The following ERICH3 variants were observed in gnomAD, a reference collection of about 807,000 sequenced individuals.
ERICH3 encodes glutamate-rich protein 3.
In ERICH3, 126 loss-of-function variants were observed where a neutral mutation model predicts 131.1. The observed-to-expected ratio is 0.96, with a 90% CI of 0.83 to 1.11. The LOEUF (loss-of-function observed/expected upper bound fraction) is 1.11, where lower values mean the gene tolerates loss of function less well. ERICH3 is among the 50% of genes most tolerant of loss of function. The pLI, the probability that ERICH3 is intolerant of heterozygous loss-of-function variation, is 0.00. For synonymous variants in ERICH3, 695 were observed against 644.6 expected, an observed-to-expected ratio of 1.08 and a Z score of -1.18; for missense variants, 2,050 against 1,810.7, an observed-to-expected ratio of 1.13 and a Z score of -2.40.
intron 6 of ERICH3, among the ~76,000 whole-genome samples, chr1:74,632,131 A>T (rs1324213830): frequency 6.6e-6 from 1 of 152,110 alleles, no homozygotes; most frequent in East Asian, 1.9e-4. Context: ...CTTGTGTGGT[A>T]TATTTTTTAA....
chr1:74,673,620 C>T lies in ERICH3; in HGVS notation c.-101G>A. 3 of 1,380,728 alleles carry T rather than the reference C, an allele frequency of 2.2e-6. No homozygotes were observed. The South Asian group carries it at 3.8e-5, about 18-fold the overall frequency. 85.5% of individuals were successfully genotyped at this position (1,380,728 alleles called of 1,614,324 possible). A position where few individuals can be genotyped will look rare whatever the true frequency, so the allele number is the denominator to read the frequency against. On this transcript the variant is annotated 5_prime_UTR_variant, in exon 1 of 15. Coordinates refer to ENST00000326665, the MANE Select transcript of ERICH3 (RefSeq NM_001002912.5). Reference sequence around the variant, plus strand: ...CGACAGTCGCGCTCGAGGGGTGGCTCCGCACCGAGGTCCCCTGTGCGCGGG... The same window carrying T: ...CGACAGTCGCGCTCGAGGGGTGGCTTCGCACCGAGGTCCCCTGTGCGCGGG...
chr1:74,670,584 C>G (rs1467565514), intron 1 of ERICH3, among the ~76,000 whole-genome samples: 1 of 152,198 alleles, frequency 6.6e-6, no homozygotes, highest in Non-Finnish European at 1.5e-5. Flanking sequence ...ACTTTAATCT[C>G]TTAATCCTGT....
intron 12 of ERICH3, among the ~76,000 whole-genome samples, chr1:74,577,923 A>C (rs1241174656): frequency 6.6e-6 from 1 of 152,216 alleles, no homozygotes; most frequent in Non-Finnish European, 1.5e-5. Context: ...CCATTAGTAG[A>C]TTTTAGTGAT....
At chr1:74,584,293 C>T (rs901787570) in intron 12 of ERICH3, among the ~76,000 whole-genome samples, 5 of 152,150 alleles carry the variant, frequency 3.3e-5, no homozygotes, top group African/African-American at 1.2e-4. Flanking sequence ...ATAATCTTTT[C>T]GAAACATTCA....
intron 1 of ERICH3, among the ~76,000 whole-genome samples, chr1:74,650,296 A>T (rs1303526412): frequency 1.3e-5 from 2 of 152,170 alleles, no homozygotes; most frequent in Admixed American, 1.3e-4. Context: ...TGTTGATTAT[A>T]TGCTATACCT....
At chr1:74,619,650 A>G (rs1482729960) in intron 8 of ERICH3, among the ~76,000 whole-genome samples, 1 of 152,190 alleles carries the variant, frequency 6.6e-6, no homozygotes, top group East Asian at 1.9e-4. Flanking sequence ...CACCTCTGGA[A>G]TCATCTCATT....
chr1:74,604,824 A>C (rs944365431), intron 10 of ERICH3, among the ~76,000 whole-genome samples: 1 of 151,948 alleles, frequency 6.6e-6, no homozygotes, highest in Non-Finnish European at 1.5e-5. Context: ...ATTTAGCATA[A>C]GGCTTAAGGG....
chr1:74,577,075 G>T, intron 12 of ERICH3, 139 bp from the exon 13 acceptor site: 1 of 664,622 alleles, frequency 1.5e-6, no homozygotes, highest in Admixed American at 3.0e-5. Flanking sequence ...GCTATTGAAA[G>T]AAGACTGATC....
intron 11 of ERICH3, among the ~76,000 whole-genome samples, chr1:74,596,977 C>G (rs540347938): frequency 6.6e-6 from 1 of 152,122 alleles, no homozygotes; most frequent in East Asian, 1.9e-4. Flanking sequence ...ATTGTTTGCC[C>G]TCTGGGAACA....
chr1:74,654,399 ATATG>A (rs1447286230), intron 1 of ERICH3, among the ~76,000 whole-genome samples: 1 of 149,086 alleles, frequency 6.7e-6, no homozygotes, highest in Non-Finnish European at 1.5e-5. Flanking sequence ...CTACAGTAGG[ATATG>A]TATATCCTAC....
At chr1:74,599,521 C>A (rs1008049612) in intron 11 of ERICH3, among the ~76,000 whole-genome samples, 174 bp downstream of exon 11, 3 of 151,816 alleles carry the variant, frequency 2.0e-5, no homozygotes, top group African/African-American at 7.3e-5. Flanking sequence ...GACGAACCCC[C>A]ATGACATAAG....
chr1:74,601,150 T>C (rs899595219), intron 10 of ERICH3, among the ~76,000 whole-genome samples: 2 of 151,852 alleles, frequency 1.3e-5, no homozygotes, highest in Non-Finnish European at 2.9e-5. Context: ...ACCAAAATTG[T>C]AAAATAAGCA....
rs558260702 is a variant in ERICH3 at position 74,646,911 on chromosome 1, C to T, written c.118-119G>A. ...ACAGACACACACACACACACACACA[C>T]ACACAGAGAGAGAAAGAGAGAGAGA... On this transcript the variant is annotated intron_variant, in intron 2 of 14. Transcript: ENST00000326665. 18 of 269,262 alleles carry T rather than the reference C, an allele frequency of 6.7e-5. No individual in the cohort carries two copies. In the Admixed American group the frequency reaches 8.0e-4, roughly 12 times the overall value. 16.7% of individuals were successfully genotyped at this position (269,262 alleles called of 1,614,324 possible).
chr1:74,570,618 T>C (rs1196513669), intron 14 of ERICH3, among the ~76,000 whole-genome samples, 179 bp from the exon 15 acceptor site: 1 of 152,228 alleles, frequency 6.6e-6, no homozygotes, highest in African/African-American at 2.4e-5. Context: ...ATGTAAAACA[T>C]TTTATATATG....
intron 1 of ERICH3, among the ~76,000 whole-genome samples, chr1:74,655,571 T>G (rs1310859094): frequency 7.2e-5 from 11 of 152,176 alleles, no homozygotes; most frequent in Non-Finnish European, 1.6e-4. Flanking sequence ...CCTTTGTGAT[T>G]ACATGGGGCC....
rs572795099 is a variant in ERICH3, at chr1:74,633,119, T to A, written c.604-1191A>T. Among the ~76,000 whole-genome samples, 9 of 148,738 alleles carry A rather than the reference T, an allele frequency of 6.1e-5. No individual in the cohort carries two copies. The East Asian group carries it at 1.8e-3, about 29-fold the overall frequency. On this transcript the variant is annotated intron_variant, in intron 6 of 14. Transcript: ENST00000326665. ...AATTTTTGATCAACTTAGTTTGTATTTTAATATGCTTATTGGTGAAAAATT... is the reference window on the plus strand; with the variant it reads ...AATTTTTGATCAACTTAGTTTGTATATTAATATGCTTATTGGTGAAAAATT...
At chr1:74,592,828 T>C (rs1647669557) in intron 11 of ERICH3, among the ~76,000 whole-genome samples, 1 of 152,076 alleles carries the variant, frequency 6.6e-6, no homozygotes, top group East Asian at 1.9e-4. Context: ...CTCATTTACA[T>C]ACACAGACAC....
chr1:74,668,030 C>A (rs1646707955), intron 1 of ERICH3, among the ~76,000 whole-genome samples: 1 of 152,176 alleles, frequency 6.6e-6, no homozygotes, highest in African/African-American at 2.4e-5. Flanking sequence ...CTTGCTTCCC[C>A]TTCACCTTCC....
chr1:74,582,180 C>G (rs1647192709), intron 12 of ERICH3, among the ~76,000 whole-genome samples: 1 of 152,132 alleles, frequency 6.6e-6, no homozygotes. Context: ...GGCCAGCACA[C>G]CGGCTTTTTA....
Sources: gnomAD v4.1 joint callset for allele counts (sites outside exome capture counted in the v4.1 genomes callset) on GRCh38, gnomAD v4.1.1 for gene constraint, MANE v1.5 for transcripts, NCBI Gene and HGNC (gene_info 2026-07-23, HGNC 2026-07-21) for gene names.